The following ZPBP variants were observed in gnomAD, a reference collection of about 807,000 sequenced individuals.
The protein encoded by ZPBP is zona pellucida binding protein.
Under a neutral mutation model 44.8 loss-of-function variants are expected in ZPBP, and 26 were observed. That is an observed-to-expected ratio of 0.58 (90% CI 0.43 to 0.81). ZPBP has a LOEUF of 0.81. Ranked by LOEUF, ZPBP falls within the 30% of genes least tolerant of loss-of-function variation. The pLI, the probability that ZPBP is intolerant of heterozygous loss-of-function variation, is 0.00. For missense variants in ZPBP, 409 were observed against 434.0 expected, an observed-to-expected ratio of 0.94 and a Z score of 0.51; for synonymous variants, 174 against 153.2, an observed-to-expected ratio of 1.14 and a Z score of -1.00.
intron 5 of ZPBP, among the ~76,000 whole-genome samples, chr7:50,028,283 T>C (rs1461859102): frequency 1.7e-5 from 1 of 58,032 alleles, no homozygotes; most frequent in Non-Finnish European, 3.9e-5. Context: ...AGGGTGAAAA[T>C]TAAAAAAAAA....
chr7:49,854,616 CT>C (rs772149623), intron 2 of ZPBP, among the ~76,000 whole-genome samples: 1 of 152,188 alleles, frequency 6.6e-6, no homozygotes, highest in Non-Finnish European at 1.5e-5. Context: ...GATATTAGCC[CT>C]TTGTCAGATA....
intron 3 of ZPBP, among the ~76,000 whole-genome samples, chr7:50,078,133 C>G (rs1452155230): frequency 6.6e-6 from 1 of 151,700 alleles, no homozygotes; most frequent in East Asian, 1.9e-4. Context: ...GCGAAATAAG[C>G]AGTCATAAGA....
rs758079382 is a variant in ZPBP, at chr7:50,081,817, G to T, written c.291C>A (p.Asp97Glu). ...TAGGCCCATACCATTGGAATGATGG[G>T]TCTATCAGTTCAGCATTTCGCAGTT... ...TQQLRNAELI[D>E]PSFQWYGPKG... Residue 97 changes from aspartate (D) to glutamate (E), a missense_variant, in exon 3 of 8, where the codon GAC becomes GAA. By Grantham distance (45) the Asp-to-Glu change is conservative. Transcript: ENST00000046087. The T allele has an allele frequency of 1.9e-6, 3 of 1,611,562 alleles. No individual in the cohort carries two copies. The highest frequency in any genetic ancestry group is 2.2e-5 in the East Asian group (1 of 44,766).
chr7:49,948,448 T>C (rs1795196577), intron 7 of ZPBP, among the ~76,000 whole-genome samples: 1 of 152,160 alleles, frequency 6.6e-6, no homozygotes, highest in South Asian at 2.1e-4. Context: ...ACCCACAATA[T>C]AGGAGAAAAT....
chr7:50,053,651 T>C (rs1365878478), intron 4 of ZPBP, among the ~76,000 whole-genome samples: 1 of 152,224 alleles, frequency 6.6e-6, no homozygotes, highest in East Asian at 1.9e-4. Context: ...AGAAAGCTTG[T>C]ATAACACATT....
chr7:50,000,535 T>A (rs1311676543), intron 6 of ZPBP, among the ~76,000 whole-genome samples: 1 of 152,186 alleles, frequency 6.6e-6, no homozygotes, highest in Non-Finnish European at 1.5e-5. Context: ...AAGCATCTGA[T>A]GACCTCCAAT....
intron 3 of ZPBP, among the ~76,000 whole-genome samples, chr7:50,066,448 T>C (rs1050773329): frequency 6.6e-6 from 1 of 152,154 alleles, no homozygotes; most frequent in African/African-American, 2.4e-5. Context: ...GTTGTAACTA[T>C]GGTATTCCTT....
At chr7:50,063,569 GGGT>G (rs1801355242) in intron 3 of ZPBP, among the ~76,000 whole-genome samples, 1 of 152,108 alleles carries the variant, frequency 6.6e-6, no homozygotes, top group Admixed American at 6.6e-5. Context: ...CTACCAGTGA[GGGT>G]TTTGAATCCT....
intron 2 of ZPBP, among the ~76,000 whole-genome samples, chr7:49,886,024 G>A (rs1010959131): frequency 6.6e-6 from 1 of 152,222 alleles, no homozygotes; most frequent in African/African-American, 2.4e-5. Flanking sequence ...GTTGGACATC[G>A]GAGTGGAGAG....
At chr7:49,935,570 T>A (rs1277011646), downstream of ZPBP, among the ~76,000 whole-genome samples, 1 of 152,152 alleles carries the variant, frequency 6.6e-6, no homozygotes. Context: ...GGCTAATTTT[T>A]GTATTTTTAG....
chr7:50,031,841 C>A lies in ZPBP; in HGVS notation c.488-531G>T, dbSNP rs1306079918. ...CTGGAACTGAGAACACACACACACACACATATATATATATATTTTGCCCAT... is the reference window on the plus strand; with the variant it reads ...CTGGAACTGAGAACACACACACACAAACATATATATATATATTTTGCCCAT... On this transcript the variant is annotated intron_variant, in intron 4 of 7. Coordinates refer to ENST00000046087, the MANE Select transcript of ZPBP (RefSeq NM_007009.3). Among the ~76,000 whole-genome samples the A allele has an allele frequency of 3.3e-5, 5 of 152,024 alleles. No individual in the cohort carries two copies. In the East Asian group the frequency reaches 9.6e-4, roughly 29 times the overall value.
chr7:49,891,502 A>G (rs1792126101), intron 2 of ZPBP, among the ~76,000 whole-genome samples: 1 of 152,234 alleles, frequency 6.6e-6, no homozygotes, highest in African/African-American at 2.4e-5. Flanking sequence ...AGATACTTCA[A>G]AAGACACATA....
intron 6 of ZPBP, among the ~76,000 whole-genome samples, chr7:49,998,565 C>T (rs1054782366): frequency 1.1e-4 from 17 of 152,108 alleles, no homozygotes; most frequent in Admixed American, 5.9e-4. Flanking sequence ...TACAAGTATC[C>T]ACAGTACATA....
intron 7 of ZPBP, among the ~76,000 whole-genome samples, chr7:49,979,538 C>T (rs1458981269): frequency 6.6e-6 from 1 of 151,478 alleles, no homozygotes; most frequent in Admixed American, 6.6e-5. Flanking sequence ...AATTAGAAAA[C>T]ATTACAATTG....
At chr7:49,897,479 G>T (rs2128733182) in intron 2 of ZPBP, among the ~76,000 whole-genome samples, 1 of 152,252 alleles carries the variant, frequency 6.6e-6, no homozygotes, top group Non-Finnish European at 1.5e-5. Flanking sequence ...TGCCAAAGTT[G>T]GCTTAGTACT....
downstream of ZPBP, among the ~76,000 whole-genome samples, chr7:49,847,009 T>C: frequency 6.6e-6 from 1 of 152,202 alleles, no homozygotes; most frequent in East Asian, 1.9e-4. Flanking sequence ...AGAATTTAAC[T>C]CTAACTTGCA....
downstream of ZPBP, among the ~76,000 whole-genome samples, chr7:49,934,356 T>C (rs1794555734): frequency 6.6e-6 from 1 of 152,164 alleles, no homozygotes; most frequent in Non-Finnish European, 1.5e-5. Context: ...TCTACTTTGC[T>C]ACTATTTTAA....
chr7:50,008,602 C>A (rs1277610361), intron 6 of ZPBP, among the ~76,000 whole-genome samples: 1 of 151,950 alleles, frequency 6.6e-6, no homozygotes, highest in Non-Finnish European at 1.5e-5. Context: ...AAGGCTCACA[C>A]CCTGATTTCA....
chr7:49,980,207 TA>T (rs561243631), intron 7 of ZPBP, among the ~76,000 whole-genome samples: 1,412 of 122,502 alleles, frequency 0.012, 42 homozygotes, highest in African/African-American at 0.042. Context: ...TGTTATATGT[TA>T]TATAATATAA....
Sources: allele counts gnomAD v4.1 joint callset (sites outside exome capture counted in the v4.1 genomes callset), GRCh38; gene constraint gnomAD v4.1.1; transcripts MANE v1.5; gene names NCBI Gene and HGNC (gene_info 2026-07-23, HGNC 2026-07-21).